The following PCLO variants were observed in gnomAD, a reference collection of about 807,000 sequenced individuals.
PCLO encodes protein piccolo.
A neutral mutation model predicts 427.5 loss-of-function variants in PCLO; 82 were observed. That is an observed-to-expected ratio of 0.19 (90% CI 0.16 to 0.23). PCLO has a LOEUF of 0.23. Ranked by LOEUF, PCLO falls within the 10% of genes least tolerant of loss-of-function variation. The pLI is 1.00. For missense variants in PCLO, 6,239 were observed against 6,115.9 expected (o/e 1.02, Z -0.67); for synonymous variants, 2,357 against 2,155.4 (o/e 1.09, Z -2.59).
At position 83,111,687 on chromosome 7, in the gene PCLO, T is replaced by G. The variant is rs114559804; in HGVS notation, c.3300+22563A>C. On this transcript the variant is annotated intron_variant, in intron 3 of 24. Transcript: ENST00000333891. ...GACCTCGAGTGCAGTCTTGTTAAGATCCTGATTAGAAAGTTGTGCCTTACC... is the reference window on the plus strand; with the variant it reads ...GACCTCGAGTGCAGTCTTGTTAAGAGCCTGATTAGAAAGTTGTGCCTTACC... Among the ~76,000 whole-genome samples the G allele has an allele frequency of 5.2e-3, 798 of 152,324 alleles. 12 individuals carry two copies. Among genetic ancestry groups the G allele is most frequent in the African/African-American group, 0.019 (770 of 41,568 alleles).
intron 9 of PCLO, among the ~76,000 whole-genome samples, chr7:82,902,098 A>G (rs1295299590): frequency 6.6e-6 from 1 of 151,866 alleles, no homozygotes; most frequent in Non-Finnish European, 1.5e-5. Flanking sequence ...AGGACTATAA[A>G]TCATGCTGCT....
At chr7:83,132,533 G>T (rs1038152992) in intron 3 of PCLO, among the ~76,000 whole-genome samples, 1 of 152,024 alleles carries the variant, frequency 6.6e-6, no homozygotes, top group Non-Finnish European at 1.5e-5. Context: ...AAGGTGTATT[G>T]TCTTTCTACC....
chr7:82,917,073 G>A (rs912985847), intron 6 of PCLO, among the ~76,000 whole-genome samples, 200 bp from the exon 7 acceptor site: 1 of 151,908 alleles, frequency 6.6e-6, no homozygotes, highest in Non-Finnish European at 1.5e-5. Flanking sequence ...AAATAAATTG[G>A]CTAATTATAA....
chr7:82,839,915 A>AATG (rs1249027569), intron 14 of PCLO, among the ~76,000 whole-genome samples: 1 of 152,060 alleles, frequency 6.6e-6, no homozygotes, highest in African/African-American at 2.4e-5. Context: ...TAATAATAAT[A>AATG]ATAATTGAAA....
intron 10 of PCLO, among the ~76,000 whole-genome samples, chr7:82,850,307 C>A (rs953301157): frequency 6.6e-6 from 1 of 152,078 alleles, no homozygotes; most frequent in Non-Finnish European, 1.5e-5. Flanking sequence ...CCATGCCTGG[C>A]CTTTAATAGC....
At chr7:83,085,162 C>T (rs1790199251) in intron 3 of PCLO, among the ~76,000 whole-genome samples, 2 of 152,102 alleles carry the variant, frequency 1.3e-5, no homozygotes, top group African/African-American at 4.8e-5. Context: ...CCAAGTTCTA[C>T]ATTAGTCTCT....
At chr7:82,792,537 A>G (rs1406706611) in intron 22 of PCLO, among the ~76,000 whole-genome samples, 2 of 152,002 alleles carry the variant, frequency 1.3e-5, no homozygotes. Flanking sequence ...CATGTTGCCT[A>G]GGCTTCTCTT....
intron 15 of PCLO, among the ~76,000 whole-genome samples, chr7:82,837,702 T>C (rs981296004): frequency 2.6e-5 from 4 of 152,150 alleles, no homozygotes; most frequent in African/African-American, 9.6e-5. Flanking sequence ...ACTTCAAATA[T>C]CACTTTGTGC....
At chr7:83,121,236 T>C (rs1477479275) in intron 3 of PCLO, among the ~76,000 whole-genome samples, 1 of 152,146 alleles carries the variant, frequency 6.6e-6, no homozygotes, top group African/African-American at 2.4e-5. Context: ...TGGAAGAAGT[T>C]GAGGCACAGA....
intron 3 of PCLO, among the ~76,000 whole-genome samples, chr7:82,985,235 G>A (rs1266887354): frequency 6.6e-6 from 1 of 151,978 alleles, no homozygotes; most frequent in Non-Finnish European, 1.5e-5. Context: ...GGGCAGACAA[G>A]GTAATAGTAT....
At chr7:82,841,571 C>A in intron 13 of PCLO, 62 bp from the exon 14 acceptor site, 1 of 1,041,872 alleles carries the variant, frequency 9.6e-7, no homozygotes, top group South Asian at 1.4e-5. Flanking sequence ...TTTATCATTT[C>A]GGCTTCCTTC....
rs1340476635 is a variant in PCLO at position 83,096,693 on chromosome 7, G to A, written c.3300+37557C>T. Among the ~76,000 whole-genome samples the A allele has an allele frequency of 1.6e-3, 67 of 42,520 alleles. 2 individuals carry two copies. Among genetic ancestry groups the A allele is most frequent in the Admixed American group, 6.2e-3 (17 of 2,756 alleles). 27.9% of individuals were successfully genotyped at this position (42,520 alleles called of 152,430 possible). The stretch of plus-strand genomic sequence containing the variant: ...TGTCAATATTTTTTAAACAAATAAA[G>A]TAAACCAGCAAGGTAAATAAACCTA... On this transcript the variant is annotated intron_variant, in intron 3 of 24. Transcript: ENST00000333891.
chr7:83,134,489 T>C lies in PCLO; in HGVS notation c.3061A>G (p.Thr1021Ala). Residue 1021 changes from threonine to alanine, a missense_variant, in exon 3 of 25, where the codon ACA (threonine) becomes GCA (alanine). Coordinates refer to ENST00000333891, the MANE Select transcript of PCLO (RefSeq NM_033026.6). Reference protein sequence around the residue: ...KAEQAPTVKRTETEKKPPPIK... With the variant: ...KAEQAPTVKRAETEKKPPPIK... ...GGTGGTGGCTTTTTTTCTGTTTCTG[T>C]TCTTTTTACTGTTGGAGCTTGTTCA... 1.2e-6 allele frequency: 2 copies of C among 1,613,542 alleles called. No homozygotes were observed. The highest frequency in any genetic ancestry group is 1.7e-6 in the Non-Finnish European group (2 of 1,179,804).
rs183332570 is a variant in PCLO, at chr7:82,993,799, T to C, written c.3301-27312A>G. Among the ~76,000 whole-genome samples the C allele has an allele frequency of 2.0e-5, 3 of 152,208 alleles. No homozygotes were observed. In the East Asian group the frequency reaches 5.8e-4, roughly 29 times the overall value. The stretch of plus-strand genomic sequence containing the variant: ...GATATTCCTGTATTCAGAAGTATTT[T>C]TGAATAAATGAATGATATGTATTCA... On this transcript the variant is annotated intron_variant, in intron 3 of 24. Transcript: ENST00000333891.
intron 10 of PCLO, among the ~76,000 whole-genome samples, chr7:82,869,955 A>G (rs2115977029): frequency 6.6e-6 from 1 of 152,188 alleles, no homozygotes; most frequent in East Asian, 1.9e-4. Flanking sequence ...TAAAAAATGG[A>G]AAGATATTTC....
At chr7:82,788,681 C>T (rs1245968018) in intron 22 of PCLO, among the ~76,000 whole-genome samples, 1 of 152,010 alleles carries the variant, frequency 6.6e-6, no homozygotes, top group African/African-American at 2.4e-5. Context: ...AATCCTTCTT[C>T]TAGACTTGTC....
intron 3 of PCLO, among the ~76,000 whole-genome samples, chr7:83,113,655 A>G (rs1449481077): frequency 6.6e-6 from 1 of 152,160 alleles, no homozygotes; most frequent in Non-Finnish European, 1.5e-5. Context: ...GTCAGCATCT[A>G]CTGTATGCTA....
intron 9 of PCLO, among the ~76,000 whole-genome samples, chr7:82,889,192 T>C (rs1042664652): frequency 6.6e-6 from 1 of 152,112 alleles, no homozygotes; most frequent in Non-Finnish European, 1.5e-5. Context: ...CTCTGTGTCA[T>C]GTGTGGTGTC....
Position 82,954,609 on chromosome 7 carries a change from G to T in PCLO, c.6344C>A (p.Ser2115Tyr). 6.2e-7 allele frequency: 1 copy of T among 1,613,938 alleles called. No individual in the cohort carries two copies. The highest frequency in any genetic ancestry group is 8.5e-7 in the Non-Finnish European group (1 of 1,179,874). The change falls in exon 5 of 25, where the codon TCT (serine) becomes TAT (tyrosine). Residue 2115 changes from serine to tyrosine, a missense_variant. By Grantham distance (144) the Ser-to-Tyr change is moderately radical (BLOSUM62 -2). Coordinates refer to ENST00000333891, the MANE Select transcript of PCLO (RefSeq NM_033026.6). The part of the protein sequence containing the change: ...SLTSSVLSGA[S>Y]LTDSTSSATL... Reference sequence around the variant, plus strand: ...TGCACTGCTGGTCGAATCTGTAAGAGACGCTCCTGAGAGAACACTTGATGT... The same window carrying T: ...TGCACTGCTGGTCGAATCTGTAAGATACGCTCCTGAGAGAACACTTGATGT...
Sources: allele counts gnomAD v4.1 joint callset (sites outside exome capture counted in the v4.1 genomes callset), GRCh38; gene constraint gnomAD v4.1.1; transcripts MANE v1.5; gene names NCBI Gene and HGNC (gene_info 2026-07-23, HGNC 2026-07-21).